The following ARHGAP45 variants were observed in gnomAD, a reference collection of about 807,000 sequenced individuals.
ARHGAP45 encodes the protein rho GTPase-activating protein 45.
In ARHGAP45, 56 loss-of-function variants were observed where a neutral mutation model predicts 116.1. The observed-to-expected ratio is 0.48, with a 90% CI of 0.39 to 0.60. The LOEUF is 0.60. Ranked by LOEUF, ARHGAP45 falls within the 20% of genes least tolerant of loss-of-function variation. ARHGAP45 has a pLI of 0.00. For synonymous variants in ARHGAP45, 866 were observed against 701.7 expected, an observed-to-expected ratio of 1.23 and a Z score of -3.70; for missense variants, 1,622 against 1,601.0, an observed-to-expected ratio of 1.01 and a Z score of -0.22.
chr19:1,076,099 T>G (rs1440635392), intron 10 of ARHGAP45, among the ~76,000 whole-genome samples: 1 of 152,176 alleles, frequency 6.6e-6, no homozygotes, highest in Non-Finnish European at 1.5e-5. Context: ...TGGGAGTGGC[T>G]GAGCTGTTGC....
rs758072591 is a variant in ARHGAP45 at position 1,080,262 on chromosome 19, G to A, written c.1711G>A (p.Val571Ile). 14 of 1,612,650 alleles carry A rather than the reference G, an allele frequency of 8.7e-6. No individual in the cohort carries two copies. The highest frequency in any genetic ancestry group is 1.7e-5 in the Admixed American group (1 of 59,938). Residue 571 changes from valine to isoleucine, a missense_variant, in exon 14 of 23, where the codon GTC (valine) becomes ATC (isoleucine). Val to Ile is a conservative substitution (Grantham distance 29). Transcript: ENST00000313093. ...CCCGGTTTCTTCCACTAGGTCCCCC[G>A]TCATGCGTGCCCGGAAGAGCAGCTT... The part of the protein sequence containing the change: ...PHVSANAWSP[V>I]MRARKSSFNV...
At chr19:1,083,564 C>G (rs1453776896) in intron 21 of ARHGAP45, among the ~76,000 whole-genome samples, 1 of 152,186 alleles carries the variant, frequency 6.6e-6, no homozygotes, top group Non-Finnish European at 1.5e-5. Context: ...TGCAAAGGCT[C>G]TGCGGCCGCC....
At position 1,082,342 on chromosome 19, in the gene ARHGAP45, C is replaced by A. The variant is rs188956887; in HGVS notation, c.2517+381C>A. 7.4e-3 allele frequency among the ~76,000 whole-genome samples: 1,083 copies of A among 146,198 alleles called. 6 individuals are homozygous for A. The highest frequency in any genetic ancestry group is 0.012 in the Non-Finnish European group (785 of 66,638). On this transcript the variant is annotated intron_variant, in intron 19 of 22. Coordinates refer to ENST00000313093, the MANE Select transcript of ARHGAP45 (RefSeq NM_012292.5). ...CAAGATGGGCGTGTTCAGCGCTTGG[C>A]AGGGACCCGTATGAGGCTAGGGGCG... is the stretch of plus-strand genomic sequence containing the variant.
rs1447898546 is a variant in ARHGAP45 at position 1,082,974 on chromosome 19, G to A, written c.2652G>A (p.Ala884=). The change falls in exon 20 of 23, where the codon GCG becomes GCA. Residue 884 remains alanine (A), a synonymous_variant. Coordinates refer to ENST00000313093, the MANE Select transcript of ARHGAP45 (RefSeq NM_012292.5). ...ACGGCTCGGAGAGCGAGGCAGTGGC[G>A]GTGGCCCTGGCAGGTCGGCTGCGGG... is the stretch of plus-strand genomic sequence containing the variant. ...RQDGSESEAV[A]VALAGRLREL... 1.3e-5 allele frequency: 20 copies of A among 1,558,444 alleles called. No homozygotes were observed. Among genetic ancestry groups the A allele is most frequent in the Admixed American group, 1.9e-5 (1 of 53,076 alleles).
chr19:1,078,766 G>A (rs2043341402), intron 11 of ARHGAP45, among the ~76,000 whole-genome samples: 1 of 151,918 alleles, frequency 6.6e-6, no homozygotes, highest in South Asian at 2.1e-4. Flanking sequence ...ACCCAGGCTG[G>A]AGTGCAGTGA....
chr19:1,073,126 C>T (rs1279165655), intron 2 of ARHGAP45, 23 bp from the exon 3 acceptor site: 1 of 1,595,418 alleles, frequency 6.3e-7, no homozygotes, highest in South Asian at 1.1e-5. Flanking sequence ...TACCCCACTG[C>T]TCACTCCGAC....
chr19:1,073,653 G>A (rs772967364), intron 4 of ARHGAP45, 21 bp from the exon 5 acceptor site: 3 of 1,609,844 alleles, frequency 1.9e-6, no homozygotes, highest in South Asian at 1.1e-5. Flanking sequence ...TCTCTCGATG[G>A]TGACCTCGCT....
intron 19 of ARHGAP45, 31 bp from the exon 20 acceptor site, chr19:1,082,809 C>G: frequency 6.9e-7 from 1 of 1,456,628 alleles, no homozygotes. Context: ...GCCAGGCCCA[C>G]CAACACCTGC....
Position 1,085,823 on chromosome 19 carries a change from G to C in ARHGAP45, c.3228G>C (p.Glu1076Asp), listed in dbSNP as rs747466806. The change falls in exon 23 of 23, where the codon GAG (glutamate) becomes GAC (aspartate). Residue 1076 changes from glutamate (E) to aspartate (D), a missense_variant. This residue lies in a region of ARHGAP45 where 1,334 missense variants were observed against 1,263.8 expected (regional missense o/e 1.06). Coordinates refer to ENST00000313093, the MANE Select transcript of ARHGAP45 (RefSeq NM_012292.5). ...CTGGCAGCCACAGCGGCAGTGAGGA[G>C]CAGCTGGAGGCCACAGCCCGGGAGG... is the stretch of plus-strand genomic sequence containing the variant. ...VASGSHSGSE[E>D]QLEATAREDG... 1.4e-5 allele frequency: 23 copies of C among 1,612,750 alleles called. No homozygotes were observed. The Admixed American group carries it at 2.2e-4, about 15-fold the overall frequency.
chr19:1,076,481 G>GTTTT lies in ARHGAP45; in HGVS notation c.1186-1375_1186-1374insTTTT, dbSNP rs1568464614. Among the ~76,000 whole-genome samples, 23 of 104,168 alleles carry GTTTT rather than the reference G, an allele frequency of 2.2e-4. 1 individual carries two copies. The highest frequency in any genetic ancestry group is 8.7e-4 in the African/African-American group (22 of 25,340). The allele number at this position is 104,168 out of a possible 152,430, so 68.3% of individuals were successfully genotyped here. On this transcript the variant is annotated intron_variant, in intron 10 of 22. Transcript: ENST00000313093. ...TAGAAACCTGTGATTGTTGGCAGTA[G>GTTTT]TCTTTTTTTTTTTTTTTTTTTTTTT... is the stretch of plus-strand genomic sequence containing the variant.
chr19:1,068,321 G>C lies in ARHGAP45; in HGVS notation c.91-93G>C. ...ACCCCTGTGGGGTCAGGGTGATGGTGGCCCTCCACAGCCCCACTTCATTTC... is the reference window on the plus strand; with the variant it reads ...ACCCCTGTGGGGTCAGGGTGATGGTCGCCCTCCACAGCCCCACTTCATTTC... On this transcript the variant is annotated intron_variant, in intron 1 of 22. Transcript: ENST00000313093. This position sits in a 1 kb window ranked among gnomAD's most constrained non-coding sequence, Gnocchi z 7.5. The C allele has an allele frequency of 7.8e-6, 9 of 1,153,186 alleles. No homozygotes were observed. Among genetic ancestry groups the C allele is most frequent in the Non-Finnish European group, 1.1e-5 (9 of 835,978 alleles). The allele number at this position is 1,153,186 out of a possible 1,614,324, so 71.4% of individuals were successfully genotyped here. A position where few individuals can be genotyped will look rare whatever the true frequency, so the allele number is the denominator to read the frequency against.
At chr19:1,084,097 G>C in intron 21 of ARHGAP45, 141 bp from the exon 22 acceptor site, 1 of 741,724 alleles carries the variant, frequency 1.3e-6, no homozygotes, top group Non-Finnish European at 2.4e-6. Context: ...CGGTTTCTCG[G>C]GTTTGCTCTT....
rs762797053 is a variant in ARHGAP45 at position 1,068,563 on chromosome 19, G to A, written c.240G>A (p.Ser80=). The change falls in exon 2 of 23, where the codon TCG becomes TCA. Residue 80 remains serine, a synonymous_variant. Transcript: ENST00000313093. This position sits in a 1 kb window ranked among gnomAD's most constrained non-coding sequence, Gnocchi z 7.5. ...CCAGCGCGGCTGGCTTCCCCCTGTC[G>A]GGTGCTGCCTCCTGGACACTGGGCC... is the stretch of plus-strand genomic sequence containing the variant. ...RHASAAGFPL[S]GAASWTLGRS... 1.6e-5 allele frequency: 26 copies of A among 1,609,780 alleles called. No individual in the cohort carries two copies. The Admixed American group carries it at 1.7e-4, about 10-fold the overall frequency.
At chr19:1,070,329 C>CTTTTTTTTTTTTTTTTT (rs1172163710) in intron 2 of ARHGAP45, among the ~76,000 whole-genome samples, 5 of 93,272 alleles carry the variant, frequency 5.4e-5, no homozygotes, top group Admixed American at 2.3e-4. Flanking sequence ...CTTTTCTTTT[C>CTTTTTTTTTTTTTTTTT]TTTTTTTTTT....
At chr19:1,067,681 A>C (rs1182056804) in intron 1 of ARHGAP45, 186 bp downstream of exon 1, 3 of 718,368 alleles carry the variant, frequency 4.2e-6, no homozygotes, top group Non-Finnish European at 7.5e-6. Flanking sequence ...CACGGTAGGG[A>C]CCCTGGGAGT....
upstream of ARHGAP45, chr19:1,066,471 G>A (rs573539883): frequency 2.3e-6 from 1 of 428,008 alleles, no homozygotes; most frequent in South Asian, 2.4e-5. Context: ...GGGCAGGTCT[G>A]GGGCAACATG....
chr19:1,068,482 C>A lies in ARHGAP45; in HGVS notation c.159C>A (p.Ser53=). ...PGPSLEPPAG[S]SGVKATGTLK... is the part of the protein sequence containing the mutation. Reference sequence around the variant, plus strand: ...CAAGCCTGGAGCCGCCCGCTGGGTCCTCCGGCGTCAAGGCCACAGGGACCC... The same window carrying A: ...CAAGCCTGGAGCCGCCCGCTGGGTCATCCGGCGTCAAGGCCACAGGGACCC... Residue 53 remains serine, a synonymous_variant, in exon 2 of 23, where the codon TCC becomes TCA. Coordinates refer to ENST00000313093, the MANE Select transcript of ARHGAP45 (RefSeq NM_012292.5). This position sits in a 1 kb window ranked among gnomAD's most constrained non-coding sequence, Gnocchi z 7.5. 1.3e-6 allele frequency: 2 copies of A among 1,587,272 alleles called. No individual in the cohort carries two copies. Among genetic ancestry groups the A allele is most frequent in the Non-Finnish European group, 8.6e-7 (1 of 1,167,696 alleles).
chr19:1,085,443 C>G (rs530118929), intron 22 of ARHGAP45, among the ~76,000 whole-genome samples: 1 of 152,100 alleles, frequency 6.6e-6, no homozygotes, highest in Admixed American at 6.6e-5. Context: ...TTCCGTTTCT[C>G]CCCTTGTCTC....
Position 1,074,599 on chromosome 19 carries a change from G to T in ARHGAP45, c.994-15G>T, listed in dbSNP as rs747144536. ...CCATCCCTCCCCACCCAGTGAGCCG[G>T]TGCCCCACCCACAGCCCCACATGCC... On this transcript the variant is annotated splice_polypyrimidine_tract_variant and intron_variant, in intron 8 of 22. Coordinates refer to ENST00000313093, the MANE Select transcript of ARHGAP45 (RefSeq NM_012292.5). 1.3e-6 allele frequency: 2 copies of T among 1,543,540 alleles called. No homozygotes were observed. Among genetic ancestry groups the T allele is most frequent in the Admixed American group, 3.9e-5 (2 of 51,614 alleles).
Sources: gnomAD v4.1 joint callset for allele counts (sites outside exome capture counted in the v4.1 genomes callset) on GRCh38, gnomAD v4.1.1 for gene constraint, gnomAD v4.1.1 regional missense constraint, Gnocchi (gnomAD v3.1) non-coding constraint, MANE v1.5 for transcripts, NCBI Gene and HGNC (gene_info 2026-07-23, HGNC 2026-07-21) for gene names.